IQCJ: variants seen among roughly 807,000 people sequenced by gnomAD.
The protein encoded by IQCJ is IQ motif containing J.
A neutral mutation model predicts 11.0 loss-of-function variants in IQCJ; 9 were observed. The ratio of observed to expected loss-of-function variants is 0.82; its 90% CI spans 0.49 to 1.43. The LOEUF is 1.43. Among genes scored for constraint, IQCJ ranks in the 40% most tolerant of loss-of-function variants. The pLI, the probability that IQCJ is intolerant of heterozygous loss-of-function variation, is 0.00. For synonymous variants in IQCJ, 55 were observed against 51.3 expected (o/e 1.07, Z -0.31); for missense variants, 146 against 133.2 (o/e 1.10, Z -0.47).
At position 159,127,281 on chromosome 3, in the gene IQCJ, G is replaced by A. The variant is rs143695714; in HGVS notation, c.9+57840G>A. Among the ~76,000 whole-genome samples the A allele has an allele frequency of 8.5e-5, 13 of 152,304 alleles. No individual in the cohort carries two copies. The East Asian group carries it at 2.1e-3, about 25-fold the overall frequency. On this transcript the variant is annotated intron_variant, in intron 1 of 3. Transcript: ENST00000397832. The stretch of plus-strand genomic sequence containing the variant: ...ACAAAGTTTCCACCAGGCAGAGGGA[G>A]TTGGGGAGGCAGGGGTTGGCAAGGG...
chr3:159,101,463 G>A (rs147382551), intron 1 of IQCJ, among the ~76,000 whole-genome samples: 2 of 152,200 alleles, frequency 1.3e-5, no homozygotes, highest in African/African-American at 4.8e-5. Context: ...GTGAACACTG[G>A]TGGTTGGTCC....
chr3:159,079,420 G>A (rs1200561934), intron 1 of IQCJ, among the ~76,000 whole-genome samples: 2 of 151,998 alleles, frequency 1.3e-5, no homozygotes, highest in Non-Finnish European at 2.9e-5. Flanking sequence ...TAGATAATAA[G>A]CAATGAAAGG....
chr3:159,212,596 T>C (rs1725015005), intron 1 of IQCJ, among the ~76,000 whole-genome samples: 1 of 152,214 alleles, frequency 6.6e-6, no homozygotes, highest in African/African-American at 2.4e-5. Flanking sequence ...ACTGTAATGA[T>C]TTATTTTAAT....
intron 1 of IQCJ, among the ~76,000 whole-genome samples, chr3:159,111,212 A>G (rs1380378043): frequency 2.0e-5 from 3 of 152,192 alleles, no homozygotes; most frequent in African/African-American, 7.2e-5. Flanking sequence ...ATCTTTTACC[A>G]GGAAATGGAT....
chr3:159,192,752 G>C (rs537986755), intron 1 of IQCJ, among the ~76,000 whole-genome samples: 83 of 152,238 alleles, frequency 5.5e-4, no homozygotes, highest in Admixed American at 2.2e-3. Flanking sequence ...CTGAAGGGTG[G>C]CCTGGACAAC....
intron 1 of IQCJ, among the ~76,000 whole-genome samples, chr3:159,222,971 T>A (rs1725637895): frequency 6.6e-6 from 1 of 151,972 alleles, no homozygotes; most frequent in Admixed American, 6.6e-5. Context: ...TGTATGTGAC[T>A]TAGGGGGAAA....
chr3:159,187,606 A>G (rs56680876), intron 1 of IQCJ, among the ~76,000 whole-genome samples: 15,081 of 152,154 alleles, frequency 0.099, 2,498 homozygotes, highest in African/African-American at 0.35. Context: ...ATGAGTTGGA[A>G]TTGTCCATGC....
At chr3:159,088,275 T>A (rs1716951587) in intron 1 of IQCJ, among the ~76,000 whole-genome samples, 1 of 152,176 alleles carries the variant, frequency 6.6e-6, no homozygotes. Context: ...TGCACTGTGG[T>A]CTGAGAGACA....
At chr3:159,089,431 G>C (rs1344705966) in intron 1 of IQCJ, among the ~76,000 whole-genome samples, 3 of 151,846 alleles carry the variant, frequency 2.0e-5, no homozygotes, top group Non-Finnish European at 2.9e-5. Flanking sequence ...TATCTTTGTG[G>C]TGTTCTCTGT....
At chr3:159,086,712 T>C (rs1716803013) in intron 1 of IQCJ, among the ~76,000 whole-genome samples, 1 of 152,110 alleles carries the variant, frequency 6.6e-6, no homozygotes, top group Non-Finnish European at 1.5e-5. Context: ...GATTTGGCTG[T>C]CTGTTTGTCT....
chr3:159,121,156 T>C (rs1215036379), intron 1 of IQCJ, among the ~76,000 whole-genome samples: 3 of 146,184 alleles, frequency 2.1e-5, no homozygotes, highest in African/African-American at 7.6e-5. Flanking sequence ...TTTTTTTAAT[T>C]AGGGTCTTGC....
chr3:159,162,303 G>A (rs1449869838), intron 1 of IQCJ, among the ~76,000 whole-genome samples: 1 of 152,094 alleles, frequency 6.6e-6, no homozygotes, highest in Non-Finnish European at 1.5e-5. Flanking sequence ...ATTGTGAATG[G>A]GAGTTCACCC....
intron 1 of IQCJ, among the ~76,000 whole-genome samples, chr3:159,103,660 A>G (rs550571711): frequency 1.3e-5 from 2 of 152,338 alleles, no homozygotes; most frequent in Admixed American, 6.5e-5. Context: ...GATATTTCTC[A>G]TAGAAACTTT....
intron 1 of IQCJ, among the ~76,000 whole-genome samples, chr3:159,071,954 A>T (rs900775950): frequency 2.0e-5 from 3 of 152,122 alleles, no homozygotes; most frequent in Non-Finnish European, 4.4e-5. Flanking sequence ...ATGAAGACAT[A>T]AAAAATATAA....
At chr3:159,089,878 G>C (rs1399508388) in intron 1 of IQCJ, among the ~76,000 whole-genome samples, 1 of 151,702 alleles carries the variant, frequency 6.6e-6, no homozygotes, top group African/African-American at 2.4e-5. Flanking sequence ...TCCTCCTGTA[G>C]CTCAGAGTAA....
intron 1 of IQCJ, among the ~76,000 whole-genome samples, chr3:159,179,944 AGC>A (rs1252890274): frequency 6.7e-6 from 1 of 149,208 alleles, no homozygotes; most frequent in African/African-American, 2.5e-5. Flanking sequence ...GAAAAGACTA[AGC>A]ATGTGGAGAA....
At chr3:159,252,486 C>G (rs979540081) in intron 2 of IQCJ, among the ~76,000 whole-genome samples, 3 of 152,010 alleles carry the variant, frequency 2.0e-5, no homozygotes, top group African/African-American at 7.3e-5. Context: ...ATTTTCATAC[C>G]ATAGCTATGA....
At chr3:159,113,466 G>A (rs1718759197) in intron 1 of IQCJ, among the ~76,000 whole-genome samples, 1 of 152,182 alleles carries the variant, frequency 6.6e-6, no homozygotes. Flanking sequence ...TGAGCCTTGT[G>A]ACAGCGTCTG....
At chr3:159,079,781 T>C (rs1716185914) in intron 1 of IQCJ, among the ~76,000 whole-genome samples, 1 of 152,124 alleles carries the variant, frequency 6.6e-6, no homozygotes, top group African/African-American at 2.4e-5. Context: ...ATTCCATAAT[T>C]TAATCTTTGG....
Sources: gnomAD v4.1 joint callset for allele counts (sites outside exome capture counted in the v4.1 genomes callset) on GRCh38, gnomAD v4.1.1 for gene constraint, MANE v1.5 for transcripts, NCBI Gene and HGNC (gene_info 2026-07-23, HGNC 2026-07-21) for gene names.